The following CEP85L variants were observed in gnomAD, a reference collection of about 807,000 sequenced individuals.
The protein encoded by CEP85L is centrosomal protein 85L, also known as centrosomal protein of 85 kDa-like.
Under a neutral mutation model 100.3 loss-of-function variants are expected in CEP85L, and 60 were observed. The ratio of observed to expected loss-of-function variants is 0.60; its 90% CI spans 0.49 to 0.74. The LOEUF (loss-of-function observed/expected upper bound fraction) is 0.74. Ranked by LOEUF, CEP85L falls within the 30% of genes least tolerant of loss-of-function variation. The pLI is 0.00. For synonymous variants in CEP85L, 319 were observed against 322.7 expected (o/e 0.99, Z 0.12); for missense variants, 973 against 936.2 (o/e 1.04, Z -0.51).
At chr6:118,611,173 G>A (rs1772586454) in intron 2 of CEP85L, among the ~76,000 whole-genome samples, 1 of 152,120 alleles carries the variant, frequency 6.6e-6, no homozygotes, top group Admixed American at 6.5e-5. Context: ...GACAGTTGTT[G>A]GAAGTGGTTT....
At chr6:118,575,769 C>T (rs777862562) in intron 2 of CEP85L, among the ~76,000 whole-genome samples, 1 of 151,982 alleles carries the variant, frequency 6.6e-6, no homozygotes, top group Non-Finnish European at 1.5e-5. Context: ...GAATACAAAC[C>T]CTCGCTAAGC....
intron 3 of CEP85L, chr6:118,559,240 A>C (rs2114971164): frequency 2.8e-6 from 2 of 709,892 alleles, no homozygotes; most frequent in East Asian, 5.2e-5. Context: ...TTGTTACCAT[A>C]TGTATTCATC....
chr6:118,592,152 T>TACC (rs1260823570), intron 2 of CEP85L, among the ~76,000 whole-genome samples: 1 of 152,148 alleles, frequency 6.6e-6, no homozygotes, highest in East Asian at 1.9e-4. Flanking sequence ...GTTACCTATA[T>TACC]TATCCTACAC....
intron 6 of CEP85L, among the ~76,000 whole-genome samples, chr6:118,491,194 TATACACACACACACACACACACACAC>T (rs1314939888): frequency 1.2e-5 from 1 of 81,216 alleles, no homozygotes; most frequent in African/African-American, 3.8e-5. Context: ...TACCAACATC[TATACACACACACACACACACACACAC>T]ACACACACAC....
chr6:118,494,994 T>A (rs192614142), intron 5 of CEP85L, among the ~76,000 whole-genome samples: 53 of 150,728 alleles, frequency 3.5e-4, no homozygotes, highest in African/African-American at 1.2e-3. Flanking sequence ...AAAAAAGAAA[T>A]GCTAAAGATT....
intron 1 of CEP85L, among the ~76,000 whole-genome samples, chr6:118,698,992 A>C (rs150713710): frequency 1.3e-5 from 2 of 152,310 alleles, no homozygotes; most frequent in African/African-American, 4.8e-5. Context: ...TTTACTAATA[A>C]TATGCCCGGA....
Position 118,532,779 on chromosome 6 carries a change from A to G in CEP85L, c.1021-8859T>C, listed in dbSNP as rs145407065. 9.9e-4 allele frequency among the ~76,000 whole-genome samples: 151 copies of G among 152,274 alleles called. 2 individuals are homozygous for G. The highest frequency in any genetic ancestry group is 4.9e-4 in the Non-Finnish European group (33 of 68,012). The stretch of plus-strand genomic sequence containing the variant: ...AATATAAAACAGTAGAAGAAGAAAA[A>G]TTTTGAGAAAGGTAATAGGGCTAGG... On this transcript the variant is annotated intron_variant, in intron 3 of 12. Coordinates refer to ENST00000368491, the MANE Select transcript of CEP85L (RefSeq NM_001042475.3).
chr6:118,695,026 C>G (rs1219805956), intron 1 of CEP85L, among the ~76,000 whole-genome samples: 2 of 152,048 alleles, frequency 1.3e-5, no homozygotes, highest in African/African-American at 4.8e-5. Flanking sequence ...GGAAGTTACC[C>G]CAGAGACCCT....
intron 5 of CEP85L, chr6:118,502,182 A>G: frequency 1.0e-6 from 1 of 963,556 alleles, no homozygotes; most frequent in Non-Finnish European, 1.6e-6. Context: ...AAAGGAACAA[A>G]GTAACTCCAG....
At chr6:118,620,362 C>CCGCA in intron 2 of CEP85L, among the ~76,000 whole-genome samples, 1 of 152,294 alleles carries the variant, frequency 6.6e-6, no homozygotes, top group Middle Eastern at 3.4e-3. Context: ...AAGAGAAAGA[C>CCGCA]CGCAGCCTTG....
rs1162868846 is a variant in CEP85L at position 118,651,546 on chromosome 6, G to C, written c.-277C>G. 4 of 1,241,618 alleles carry C rather than the reference G, an allele frequency of 3.2e-6. No homozygotes were observed. In the African/African-American group the frequency reaches 6.3e-5, roughly 20 times the overall value. 76.9% of individuals were successfully genotyped at this position (1,241,618 alleles called of 1,614,324 possible). On this transcript the variant is annotated 5_prime_UTR_variant, in exon 1 of 13. Coordinates refer to ENST00000368491, the MANE Select transcript of CEP85L (RefSeq NM_001042475.3). ...TGACGGCTGCTAGATCCCCGGCTGA[G>C]CCCAGGCTCAAAGGCTCCAGGCGAA...
chr6:118,572,017 T>C (rs980313168), intron 2 of CEP85L, among the ~76,000 whole-genome samples: 1 of 151,896 alleles, frequency 6.6e-6, no homozygotes, highest in Non-Finnish European at 1.5e-5. Context: ...CCACCACACC[T>C]GGCTAACTTT....
intron 2 of CEP85L, among the ~76,000 whole-genome samples, chr6:118,615,213 G>A (rs1205419730): frequency 2.0e-5 from 3 of 151,914 alleles, no homozygotes; most frequent in Non-Finnish European, 4.4e-5. Context: ...CAAATTCCTA[G>A]GAAGACTTTT....
chr6:118,624,439 C>T (rs1333210137), intron 2 of CEP85L, among the ~76,000 whole-genome samples: 1 of 152,092 alleles, frequency 6.6e-6, no homozygotes, highest in Admixed American at 6.6e-5. Context: ...TACAGAGCAC[C>T]ATGACTCCCT....
chr6:118,475,347 ATTTTT>A (rs34878583), intron 10 of CEP85L, among the ~76,000 whole-genome samples: 1 of 79,034 alleles, frequency 1.3e-5, no homozygotes, highest in Non-Finnish European at 2.8e-5. Flanking sequence ...TGTAGGTGAC[ATTTTT>A]TTTTTTTTTT....
chr6:118,618,032 C>T (rs1418694467), intron 2 of CEP85L, among the ~76,000 whole-genome samples: 1 of 152,128 alleles, frequency 6.6e-6, no homozygotes, highest in Non-Finnish European at 1.5e-5. Context: ...GAGTTGGGAG[C>T]ACTGGTTTGC....
chr6:118,551,102 A>C (rs564691914), intron 3 of CEP85L, among the ~76,000 whole-genome samples: 11 of 152,020 alleles, frequency 7.2e-5, no homozygotes, highest in African/African-American at 2.6e-4. Flanking sequence ...ACATCTCCTC[A>C]AAACTTTCAC....
intron 2 of CEP85L, among the ~76,000 whole-genome samples, chr6:118,570,911 T>TGC: frequency 6.6e-6 from 1 of 151,648 alleles, no homozygotes; most frequent in African/African-American, 2.4e-5. Context: ...GACATACATA[T>TGC]GCACACACAC....
chr6:118,512,926 G>A (rs1295406807), intron 4 of CEP85L, among the ~76,000 whole-genome samples: 1 of 152,114 alleles, frequency 6.6e-6, no homozygotes, highest in East Asian at 1.9e-4. Context: ...TCAACTGAAA[G>A]TGAGCTAGAA....
Sources: gnomAD v4.1 joint callset for allele counts (sites outside exome capture counted in the v4.1 genomes callset) on GRCh38, gnomAD v4.1.1 for gene constraint, MANE v1.5 for transcripts, NCBI Gene and HGNC (gene_info 2026-07-23, HGNC 2026-07-21) for gene names.